ITGB4: variants seen among roughly 807,000 people sequenced by gnomAD.
The protein encoded by ITGB4 is integrin subunit beta 4.
In ITGB4, 159 loss-of-function variants were observed where a neutral mutation model predicts 207.6. That is an observed-to-expected ratio of 0.77 (90% CI 0.67 to 0.87). The LOEUF is 0.87. Ranked by LOEUF, ITGB4 falls within the 40% of genes least tolerant of loss-of-function variation. The pLI is 0.00. For missense variants in ITGB4, 2,278 were observed against 2,546.8 expected (o/e 0.89, Z 2.27); for synonymous variants, 1,020 against 1,062.7 (o/e 0.96, Z 0.78).
At position 75,730,350 on chromosome 17, in the gene ITGB4, G is replaced by T. The variant is rs780575580; in HGVS notation, c.848G>T (p.Arg283Leu). 1 of 1,613,670 alleles carries T rather than the reference G, an allele frequency of 6.2e-7. No individual in the cohort carries two copies. Among genetic ancestry groups the T allele is most frequent in the Non-Finnish European group, 8.5e-7 (1 of 1,180,022 alleles). ...GANVLAGIMS[R>L]NDERCHLDTT... ...AACGTGCTGGCTGGCATCATGAGCC[G>T]CAACGATGAACGGTGCCACCTGGAC... The change falls in exon 8 of 40, where the codon CGC becomes CTC. Residue 283 changes from arginine to leucine, a missense_variant. Arg to Leu is a moderately radical substitution (Grantham distance 102). Coordinates refer to ENST00000200181, the MANE Select transcript of ITGB4 (RefSeq NM_000213.5).
At position 75,739,906 on chromosome 17, in the gene ITGB4, C is replaced by G. The variant is rs1428351433; in HGVS notation, c.2281C>G (p.His761Asp). ...TCACATGGTGGGCTTTAAGGAAGAC[C>G]ACTACATGCTGCGGGAGAACCTGAT... ...RGHMVGFKED[H>D]YMLRENLMAS... The change falls in exon 20 of 40, where the codon CAC (histidine) becomes GAC (aspartate). Residue 761 changes from histidine (H) to aspartate (D), a missense_variant. His to Asp is a moderately conservative substitution (Grantham distance 81). Coordinates refer to ENST00000200181, the MANE Select transcript of ITGB4 (RefSeq NM_000213.5). This position sits in a 1 kb window ranked among gnomAD's most constrained non-coding sequence, Gnocchi z 5.4. The G allele has an allele frequency of 6.2e-7, 1 of 1,613,510 alleles. No individual in the cohort carries two copies. The highest frequency in any genetic ancestry group is 1.1e-5 in the South Asian group (1 of 91,086).
rs371393052 is a variant in ITGB4 at position 75,757,575 on chromosome 17, C to G, written c.*20C>G. 6.2e-7 allele frequency: 1 copy of G among 1,613,266 alleles called. No homozygotes were observed. The highest frequency in any genetic ancestry group is 8.5e-7 in the Non-Finnish European group (1 of 1,179,872). ...ACTTGACCGCACCCTGCCCCACCCC[C>G]GCCACGTCCCACTAGGCGTCCTCCC... On this transcript the variant is annotated 3_prime_UTR_variant, in exon 40 of 40. Coordinates refer to ENST00000200181, the MANE Select transcript of ITGB4 (RefSeq NM_000213.5).
At position 75,736,073 on chromosome 17, in the gene ITGB4, C is replaced by T; in HGVS notation, c.1680C>T (p.Gly560=). Residue 560 remains glycine, a synonymous_variant, in exon 14 of 40, where the codon GGC becomes GGT. Coordinates refer to ENST00000200181, the MANE Select transcript of ITGB4 (RefSeq NM_000213.5). ...LCNDRGRCSM[G]QCVCEPGWTG... The stretch of plus-strand genomic sequence containing the variant: ...CAGACCGAGGACGCTGCTCCATGGG[C>T]CAGTGTGTGTGTGAGCCTGGTTGGA... 3 of 1,614,114 alleles carry T rather than the reference C, an allele frequency of 1.9e-6. No homozygotes were observed. Among genetic ancestry groups the T allele is most frequent in the Non-Finnish European group, 2.5e-6 (3 of 1,180,012 alleles).
In ITGB4 at chr17:75,752,183, G is replaced by A. The variant is rs1172914799; in HGVS notation, c.3803G>A (p.Gly1268Glu). The stretch of plus-strand genomic sequence containing the variant: ...ACTCTCTCTGCCCCAGGACCTATTG[G>A]GCCCATGAAGAAAGTGCTGGTTGAC... ...GLVNDDNRPI[G>E]PMKKVLVDNP... Residue 1268 changes from glycine (G) to glutamate (E), a missense_variant, in exon 31 of 40, where the codon GGG (glycine) becomes GAG (glutamate). Coordinates refer to ENST00000200181, the MANE Select transcript of ITGB4 (RefSeq NM_000213.5). The A allele has an allele frequency of 1.2e-6, 2 of 1,613,966 alleles. No homozygotes were observed. Among genetic ancestry groups the A allele is most frequent in the Admixed American group, 1.7e-5 (1 of 60,032 alleles).
Position 75,730,925 on chromosome 17 carries a change from C to T in ITGB4, c.1053C>T (p.Asp351=), listed in dbSNP as rs746832218. The T allele has an allele frequency of 1.9e-6, 3 of 1,613,912 alleles. No homozygotes were observed. Among genetic ancestry groups the T allele is most frequent in the South Asian group, 1.1e-5 (1 of 91,088 alleles). Residue 351 remains aspartate (D), a synonymous_variant, in exon 9 of 40, where the codon GAC becomes GAT. Coordinates refer to ENST00000200181, the MANE Select transcript of ITGB4 (RefSeq NM_000213.5). ...PVSSLGVLQE[D]SSNIVELLEE... ...CCTCACTGGGGGTGCTGCAGGAGGA[C>T]TCGTCCAACATCGTGGAGCTGCTGG...
rs55989759 is a variant in ITGB4 at position 75,729,031 on chromosome 17, G to A, written c.567-234G>A. Among the ~76,000 whole-genome samples the A allele has an allele frequency of 2.0e-5, 3 of 150,050 alleles. No individual in the cohort carries two copies. The highest frequency in any genetic ancestry group is 4.9e-5 in the African/African-American group (2 of 40,720). On this transcript the variant is annotated intron_variant, in intron 6 of 39. Transcript: ENST00000200181. This position sits in a 1 kb window ranked among gnomAD's most constrained non-coding sequence, Gnocchi z 4.4. ...AAATTAGCCAGGTGTGGTGGTGGGC[G>A]CCTGTAATTCCAGCTACTTGGGAGG...
rs2061085683 is a variant in ITGB4 at position 75,740,605 on chromosome 17, A to G, written c.2550+144A>G. 1 of 947,282 alleles carries G rather than the reference A, an allele frequency of 1.1e-6. No individual in the cohort carries two copies. Among genetic ancestry groups the G allele is most frequent in the African/African-American group, 1.6e-5 (1 of 62,038 alleles). The allele number at this position is 947,282 out of a possible 1,614,324, so 58.7% of individuals were successfully genotyped here. Reference sequence around the variant, plus strand: ...TCTGGACCTGTGCCTGGCAGGGGGCATCCTGGGATCTGTTTCCAGAGGGCA... The same window carrying G: ...TCTGGACCTGTGCCTGGCAGGGGGCGTCCTGGGATCTGTTTCCAGAGGGCA... On this transcript the variant is annotated intron_variant, in intron 21 of 39. Transcript: ENST00000200181. The surrounding 1 kb of genome is among the most constrained non-coding windows in gnomAD (Gnocchi z 5.9).
rs151317053 is a variant in ITGB4, at chr17:75,726,990, G to A, written c.80-205G>A. Among the ~76,000 whole-genome samples, 592 of 151,026 alleles carry A rather than the reference G, an allele frequency of 3.9e-3. 2 individuals are homozygous for A. The highest frequency in any genetic ancestry group is 5.6e-3 in the Non-Finnish European group (377 of 67,716). On this transcript the variant is annotated intron_variant, in intron 2 of 39. Transcript: ENST00000200181. ...CCAGAGGCTGAGGTGGGAGAATGGC[G>A]TGAACACGGGTGGTGGAGCTTGCAG...
rs753166262 is a variant in ITGB4, at chr17:75,736,303, C to T, written c.1777C>T (p.Arg593Cys). Reference protein sequence around the residue: ...IDSNGGICNGRGHCECGRCHC... With the variant: ...IDSNGGICNGCGHCECGRCHC... ...CCTACCCCAGGGCATCTGTAATGGA[C>T]GTGGCCACTGTGAGTGTGGCCGCTG... Residue 593 changes from arginine to cysteine, a missense_variant, in exon 15 of 40, where the codon CGT becomes TGT. Transcript: ENST00000200181. 17 of 1,613,788 alleles carry T rather than the reference C, an allele frequency of 1.1e-5. No individual in the cohort carries two copies. Among genetic ancestry groups the T allele is most frequent in the South Asian group, 3.3e-5 (3 of 91,090 alleles).
rs1221136227 is a variant in ITGB4, at chr17:75,737,462, G to C, written c.2113+18G>C. 5.8e-6 allele frequency: 9 copies of C among 1,552,934 alleles called. No homozygotes were observed. The Admixed American group carries it at 9.8e-5, about 17-fold the overall frequency. ...GAAGAAGGGTGAGCTGGTGGGGCCGGGCGCAGGGAGGGGGCGTGTGGCCAG... is the reference window on the plus strand; with the variant it reads ...GAAGAAGGGTGAGCTGGTGGGGCCGCGCGCAGGGAGGGGGCGTGTGGCCAG... On this transcript the variant is annotated intron_variant, in intron 17 of 39. Transcript: ENST00000200181.
chr17:75,755,765 C>T lies in ITGB4; in HGVS notation c.4623C>T (p.Pro1541=), dbSNP rs1408078324. 2 of 1,612,626 alleles carry T rather than the reference C, an allele frequency of 1.2e-6. No individual in the cohort carries two copies. Among genetic ancestry groups the T allele is most frequent in the African/African-American group, 1.3e-5 (1 of 74,908 alleles). Residue 1541 remains proline, a synonymous_variant, in exon 35 of 40, where the codon CCC becomes CCT. Coordinates refer to ENST00000200181, the MANE Select transcript of ITGB4 (RefSeq NM_000213.5). ...GCCTGGTGTTCTCTGCCCTGGGGCC[C>T]ACATCTCTCAGAGTGAGCTGGCAGG... ...PTRLVFSALG[P]TSLRVSWQEP...
chr17:75,740,526 C>T lies in ITGB4; in HGVS notation c.2550+65C>T, dbSNP rs754333120. ...ATGAGGGCGGGTGAGGTGGGCAGGG[C>T]AGAGCGAATGCGGTCGTGGTACCGA... On this transcript the variant is annotated intron_variant, in intron 21 of 39. Coordinates refer to ENST00000200181, the MANE Select transcript of ITGB4 (RefSeq NM_000213.5). The surrounding 1 kb of genome is among the most constrained non-coding windows in gnomAD (Gnocchi z 5.9). The T allele has an allele frequency of 7.5e-7, 1 of 1,329,718 alleles. No homozygotes were observed. Among genetic ancestry groups the T allele is most frequent in the Non-Finnish European group, 1.1e-6 (1 of 926,728 alleles). The allele number at this position is 1,329,718 out of a possible 1,614,324, so 82.4% of individuals were successfully genotyped here. A position where few individuals can be genotyped will look rare whatever the true frequency, so the allele number is the denominator to read the frequency against.
At position 75,722,478 on chromosome 17, in the gene ITGB4, A is replaced by G. The variant is rs2060633506; in HGVS notation, c.-11+866A>G. 6.6e-6 allele frequency among the ~76,000 whole-genome samples: 1 copy of G among 152,164 alleles called. No individual in the cohort carries two copies. Among genetic ancestry groups the G allele is most frequent in the African/African-American group, 2.4e-5 (1 of 41,422 alleles). ...CTGGCAGTGAAGGCTTGGAGTCTCCATCCTGGGGGCTGAGGGAAGGACAGC... is the reference window on the plus strand; with the variant it reads ...CTGGCAGTGAAGGCTTGGAGTCTCCGTCCTGGGGGCTGAGGGAAGGACAGC... On this transcript the variant is annotated intron_variant, in intron 1 of 39. Transcript: ENST00000200181. The surrounding 1 kb of genome is among the most constrained non-coding windows in gnomAD (Gnocchi z 6.2).
intron 34 of ITGB4, chr17:75,755,080 G>A (rs761964471): frequency 1.1e-5 from 18 of 1,600,954 alleles, no homozygotes; most frequent in Admixed American, 1.7e-5. Flanking sequence ...GGGAACACGG[G>A]AGGAGCAGGC....
At chr17:75,754,929 C>A in intron 34 of ITGB4, 114 bp downstream of exon 34, 4 of 1,535,644 alleles carry the variant, frequency 2.6e-6, no homozygotes, top group Non-Finnish European at 3.6e-6. Context: ...CATACACACA[C>A]GCATGCACAC....
At chr17:75,747,227 C>A (rs2061252499) in intron 26 of ITGB4, among the ~76,000 whole-genome samples, 1 of 152,044 alleles carries the variant, frequency 6.6e-6, no homozygotes, top group South Asian at 2.1e-4. Flanking sequence ...ACCTGTAATC[C>A]CAGCACTTTG....
chr17:75,743,568 C>T, intron 25 of ITGB4, 145 bp from the exon 26 acceptor site: 1 of 1,097,284 alleles, frequency 9.1e-7, no homozygotes, highest in South Asian at 1.3e-5. Flanking sequence ...CCGTTTCGCT[C>T]CTGTGCCCTT....
At chr17:75,743,591 T>C in intron 25 of ITGB4, 122 bp from the exon 26 acceptor site, 1 of 1,328,290 alleles carries the variant, frequency 7.5e-7, no homozygotes, top group South Asian at 1.2e-5. Flanking sequence ...CAGAGGGCAA[T>C]GCATAGAGGG....
At position 75,727,886 on chromosome 17, in the gene ITGB4, G is replaced by A. The variant is rs943892173; in HGVS notation, c.469+31G>A. On this transcript the variant is annotated intron_variant, in intron 5 of 39. Transcript: ENST00000200181. The surrounding 1 kb of genome is among the most constrained non-coding windows in gnomAD (Gnocchi z 6.0). ...GCAGGGCCAGAGTGGAGGACAGCAG[G>A]GCAGGAGGGGGACAGGTGGGCGTCT... 1.9e-6 allele frequency: 3 copies of A among 1,603,800 alleles called. No homozygotes were observed. The African/African-American group carries it at 4.0e-5, about 21-fold the overall frequency.
Sources: gnomAD v4.1 joint callset for allele counts (sites outside exome capture counted in the v4.1 genomes callset) on GRCh38, gnomAD v4.1.1 for gene constraint, Gnocchi (gnomAD v3.1) non-coding constraint, MANE v1.5 for transcripts, NCBI Gene and HGNC (gene_info 2026-07-23, HGNC 2026-07-21) for gene names.